Variants in ULBP2 observed in about 807,000 individuals in gnomAD.
ULBP2 encodes the protein UL16-binding protein 2.
In ULBP2, 21 loss-of-function variants were observed where a neutral mutation model predicts 23.6. The observed-to-expected ratio is 0.89, with a 90% confidence interval of 0.63 to 1.28. The LOEUF (loss-of-function observed/expected upper bound fraction) is 1.28, where lower values mean the gene tolerates loss of function less well. Among genes scored for constraint, ULBP2 ranks in the 50% most tolerant of loss-of-function variants. The pLI is 0.00. For missense variants in ULBP2, 251 were observed against 306.0 expected, an observed-to-expected ratio of 0.82 and a Z score of 1.34; for synonymous variants, 82 against 112.8, an observed-to-expected ratio of 0.73 and a Z score of 1.73.
rs772380793 is a variant in ULBP2 at position 149,945,366 on chromosome 6, G to A, written c.143G>A (p.Arg48Gln). The A allele has an allele frequency of 9.9e-6, 16 of 1,612,350 alleles. No individual in the cohort carries two copies. Among genetic ancestry groups the A allele is most frequent in the African/African-American group, 5.4e-5 (4 of 74,706 alleles). ...ATCCCTAAGTTCAGACCTGGACCAC[G>A]GTGGTGTGCGGTTCAAGGCCAGGTG... is the stretch of plus-strand genomic sequence containing the variant. Reference protein sequence around the residue: ...TVIPKFRPGPRWCAVQGQVDE... With the variant: ...TVIPKFRPGPQWCAVQGQVDE... The change falls in exon 2 of 5, where the codon CGG (arginine) becomes CAG (glutamine). Residue 48 changes from arginine (R) to glutamine (Q), a missense_variant. Arg to Gln is a conservative substitution (Grantham distance 43). This residue lies in a region of ULBP2 where 248 missense variants were observed against 258.9 expected (regional missense o/e 0.96). Coordinates refer to ENST00000367351, the MANE Select transcript of ULBP2 (RefSeq NM_025217.4).
At chr6:149,945,638 T>A in intron 2 of ULBP2, 66 bp downstream of exon 2, 1 of 1,612,910 alleles carries the variant, frequency 6.2e-7, no homozygotes, top group South Asian at 1.1e-5. Context: ...CATTTATAGT[T>A]TTCATGTAAA....
At chr6:149,947,660 T>C (rs1471661201) in intron 4 of ULBP2, among the ~76,000 whole-genome samples, 5 of 152,296 alleles carry the variant, frequency 3.3e-5, no homozygotes, top group Admixed American at 1.3e-4. Flanking sequence ...ATTCTCACCT[T>C]CAGAGTCCAG....
In ULBP2 at chr6:149,948,846, A is replaced by G. The variant is rs1191161846; in HGVS notation, c.*146A>G. 4.5e-6 allele frequency: 2 copies of G among 448,678 alleles called. No homozygotes were observed. Among genetic ancestry groups the G allele is most frequent in the African/African-American group, 2.0e-5 (1 of 49,766 alleles). 27.8% of individuals were successfully genotyped at this position (448,678 alleles called of 1,614,324 possible). ...GCCTCCAGCAGATCATGATGACATC[A>G]TGGACCCAATAGCTCATTCACTGCC... On this transcript the variant is annotated 3_prime_UTR_variant, in exon 5 of 5. Transcript: ENST00000367351.
chr6:149,947,217 A>T (rs1778956559), intron 3 of ULBP2, 103 bp from the exon 4 acceptor site: 1 of 1,591,540 alleles, frequency 6.3e-7, no homozygotes, highest in Non-Finnish European at 8.6e-7. Flanking sequence ...GAGAGGACAA[A>T]ACTTTTGCCT....
intron 3 of ULBP2, 65 bp downstream of exon 3, chr6:149,946,718 T>C (rs1778948274): frequency 1.9e-6 from 3 of 1,596,114 alleles, no homozygotes; most frequent in Non-Finnish European, 2.6e-6. Context: ...AAGAAGTTAG[T>C]TCTTGAGTTC....
chr6:149,946,908 A>G (rs1210121506), intron 3 of ULBP2, among the ~76,000 whole-genome samples: 2 of 151,918 alleles, frequency 1.3e-5, no homozygotes, highest in Non-Finnish European at 2.9e-5. Flanking sequence ...CAGCCTTGAA[A>G]CTGCAGGTGT....
chr6:149,942,061 T>C lies in ULBP2; in HGVS notation c.-12T>C, dbSNP rs1417900819. The C allele has an allele frequency of 6.2e-7, 1 of 1,612,732 alleles. No individual in the cohort carries two copies. The highest frequency in any genetic ancestry group is 1.7e-5 in the Admixed American group (1 of 59,900). On this transcript the variant is annotated 5_prime_UTR_variant, in exon 1 of 5. Coordinates refer to ENST00000367351, the MANE Select transcript of ULBP2 (RefSeq NM_025217.4). ...CCATCAAGTCTCTCATCCCTAGCGC[T>C]CTGGGTCCTTAATGGCAGCAGCCGC...
At chr6:149,946,779 G>C in intron 3 of ULBP2, 126 bp downstream of exon 3, 2 of 1,508,930 alleles carry the variant, frequency 1.3e-6, no homozygotes, top group Non-Finnish European at 1.8e-6. Context: ...CCTCCTCGTG[G>C]GGCGCTCCTC....
intron 1 of ULBP2, among the ~76,000 whole-genome samples, chr6:149,942,606 C>T (rs1778880210): frequency 6.6e-6 from 1 of 152,100 alleles, no homozygotes. Flanking sequence ...CACACAAACC[C>T]TCCAGCGCCC....
intron 1 of ULBP2, among the ~76,000 whole-genome samples, chr6:149,943,571 A>G (rs1778895787): frequency 1.3e-5 from 2 of 152,106 alleles, no homozygotes; most frequent in South Asian, 4.1e-4. Context: ...GCGTCTTCTC[A>G]CTGCTGGGCC....
At position 149,946,480 on chromosome 6, in the gene ULBP2, C is replaced by T. The variant is rs753969858; in HGVS notation, c.458C>T (p.Ser153Leu). Residue 153 changes from serine to leucine, a missense_variant, in exon 3 of 5, where the codon TCA (serine) becomes TTA (leucine). Transcript: ENST00000367351. ...FDGQIFLLFD[S>L]EKRMWTTVHP... ...GGGCAGATCTTCCTCCTCTTTGACT[C>T]AGAGAAGAGAATGTGGACAACGGTT... 97 of 1,613,960 alleles carry T rather than the reference C, an allele frequency of 6.0e-5. No individual in the cohort carries two copies. In the Middle Eastern group the frequency reaches 1.6e-3, roughly 27 times the overall value.
intron 1 of ULBP2, among the ~76,000 whole-genome samples, chr6:149,944,017 T>C (rs367806958): frequency 4.6e-5 from 7 of 152,078 alleles, no homozygotes; most frequent in African/African-American, 7.3e-5. Context: ...TTTACATGTT[T>C]ACAAAATTGC....
At position 149,945,375 on chromosome 6, in the gene ULBP2, C is replaced by T. The variant is rs371185580; in HGVS notation, c.152C>T (p.Ala51Val). The T allele has an allele frequency of 3.9e-5, 63 of 1,612,622 alleles. No individual in the cohort carries two copies. The highest frequency in any genetic ancestry group is 2.0e-4 in the East Asian group (9 of 44,848). The change falls in exon 2 of 5, where the codon GCG (alanine) becomes GTG (valine). Residue 51 changes from alanine (A) to valine (V), a missense_variant. Physicochemically the swap from Ala to Val is moderately conservative, Grantham distance 64. Coordinates refer to ENST00000367351, the MANE Select transcript of ULBP2 (RefSeq NM_025217.4). ...PKFRPGPRWC[A>V]VQGQVDEKTF... Reference sequence around the variant, plus strand: ...TTCAGACCTGGACCACGGTGGTGTGCGGTTCAAGGCCAGGTGGATGAAAAG... The same window carrying T: ...TTCAGACCTGGACCACGGTGGTGTGTGGTTCAAGGCCAGGTGGATGAAAAG...
intron 1 of ULBP2, among the ~76,000 whole-genome samples, chr6:149,943,768 C>T (rs1033388739): frequency 2.0e-5 from 3 of 151,976 alleles, no homozygotes; most frequent in Non-Finnish European, 2.9e-5. Flanking sequence ...CTTAATGTTG[C>T]GATTTCCTTG....
At chr6:149,943,650 G>A (rs1476232096) in intron 1 of ULBP2, among the ~76,000 whole-genome samples, 1 of 152,188 alleles carries the variant, frequency 6.6e-6, no homozygotes, top group Non-Finnish European at 1.5e-5. Context: ...TTCAGCAATA[G>A]GCATCCCTAA....
intron 2 of ULBP2, among the ~76,000 whole-genome samples, chr6:149,945,933 T>A (rs1778931992): frequency 7.8e-6 from 1 of 128,028 alleles, no homozygotes; most frequent in African/African-American, 3.4e-5. Flanking sequence ...AGAGTGAGAC[T>A]TTGTCTCAAA....
chr6:149,945,017 G>A (rs1778912876), intron 1 of ULBP2, among the ~76,000 whole-genome samples: 2 of 151,444 alleles, frequency 1.3e-5, no homozygotes, highest in South Asian at 2.1e-4. Flanking sequence ...GAGAGGCCTG[G>A]CACCTTTCTA....
At chr6:149,946,146 T>C (rs1170244516) in intron 2 of ULBP2, among the ~76,000 whole-genome samples, 11 of 147,890 alleles carry the variant, frequency 7.4e-5, no homozygotes, top group Admixed American at 3.4e-4. Context: ...GGAGGCTGAG[T>C]GAGCCGAGAT....
chr6:149,945,567 C>T lies in ULBP2; in HGVS notation c.344C>T (p.Pro115Leu), dbSNP rs1204846388. 2.5e-6 allele frequency: 4 copies of T among 1,613,970 alleles called. No homozygotes were observed. The Admixed American group carries it at 6.7e-5, about 27-fold the overall frequency. ...GACATTCAGCTGGAGAATTACACACCCAAGGGTAAGTTTCAGATGGCCCAG... is the reference window on the plus strand; with the variant it reads ...GACATTCAGCTGGAGAATTACACACTCAAGGGTAAGTTTCAGATGGCCCAG... ...LRDIQLENYTPKEPLTLQARM... is the reference protein window; with the variant it reads ...LRDIQLENYTLKEPLTLQARM... The change falls in exon 2 of 5, where the codon CCC becomes CTC. Residue 115 changes from proline to leucine, a missense_variant. By Grantham distance (98) the Pro-to-Leu change is moderately conservative. This residue lies in a region of ULBP2 where 248 missense variants were observed against 258.9 expected (regional missense o/e 0.96). Transcript: ENST00000367351.
Sources: allele counts gnomAD v4.1 joint callset (sites outside exome capture counted in the v4.1 genomes callset), GRCh38; gene constraint gnomAD v4.1.1; regional missense constraint gnomAD v4.1.1; transcripts MANE v1.5; gene names NCBI Gene and HGNC (gene_info 2026-07-23, HGNC 2026-07-21).